The following EFCAB13 variants were observed in gnomAD, a reference collection of about 807,000 sequenced individuals.
EFCAB13 encodes the protein EF-hand calcium-binding domain-containing protein 13.
EFCAB13 carries 91 observed loss-of-function variants against 110.2 expected under a neutral mutation model. The ratio of observed to expected loss-of-function variants is 0.83; its 90% CI spans 0.70 to 0.98. The LOEUF is 0.98. Ranked by LOEUF, EFCAB13 falls within the 50% of genes least tolerant of loss-of-function variation. The pLI is 0.00. For synonymous variants in EFCAB13, 323 were observed against 369.9 expected (o/e 0.87, Z 1.45); for missense variants, 968 against 1,119.4 (o/e 0.86, Z 1.93).
At chr17:47,403,814 C>A in intron 18 of EFCAB13, 64 bp from the exon 19 acceptor site, 1 of 1,431,728 alleles carries the variant, frequency 7.0e-7, no homozygotes, top group Non-Finnish European at 9.4e-7. Context: ...TATGGATTTC[C>A]ACTAACAAAT....
chr17:47,342,067 C>A, intron 6 of EFCAB13, 35 bp downstream of exon 6: 2 of 1,252,538 alleles, frequency 1.6e-6, no homozygotes, highest in South Asian at 1.4e-5. Flanking sequence ...CTTTTACCTT[C>A]AAATATTTTC....
intron 10 of EFCAB13, among the ~76,000 whole-genome samples, chr17:47,363,626 T>C (rs2065529213): frequency 6.6e-6 from 1 of 152,194 alleles, no homozygotes; most frequent in African/African-American, 2.4e-5. Context: ...ATGTCTGAGC[T>C]AAATCTTGAA....
At chr17:47,385,014 G>A (rs1217043468) in intron 14 of EFCAB13, among the ~76,000 whole-genome samples, 2 of 152,042 alleles carry the variant, frequency 1.3e-5, no homozygotes, top group Non-Finnish European at 2.9e-5. Context: ...CTTGTGATCC[G>A]CCCGCCTCGG....
chr17:47,421,020 T>TG (rs564004497), intron 23 of EFCAB13, among the ~76,000 whole-genome samples: 66,348 of 142,176 alleles, frequency 0.47, 15,533 homozygotes, highest in African/African-American at 0.49. Context: ...GGGAGGGAGG[T>TG]GGGGGGGTCA....
At chr17:47,384,629 G>C (rs116679181) in intron 14 of EFCAB13, among the ~76,000 whole-genome samples, 1 of 152,108 alleles carries the variant, frequency 6.6e-6, no homozygotes, top group African/African-American at 2.4e-5. Context: ...TGAAATTCCA[G>C]TTAGAAAATT....
intron 21 of EFCAB13, among the ~76,000 whole-genome samples, chr17:47,411,466 T>G (rs527983632): frequency 6.6e-6 from 1 of 152,322 alleles, no homozygotes. Context: ...TCTCAGTGCT[T>G]CCATAATTTT....
intron 23 of EFCAB13, among the ~76,000 whole-genome samples, chr17:47,416,087 C>T (rs1300473895): frequency 2.6e-5 from 4 of 151,892 alleles, no homozygotes; most frequent in African/African-American, 7.3e-5. Context: ...AAATTGGATG[C>T]CTTATAGTAT....
chr17:47,409,706 T>A lies in EFCAB13; in HGVS notation c.2278+15T>A. On this transcript the variant is annotated intron_variant, in intron 21 of 24. Coordinates refer to ENST00000331493, the MANE Select transcript of EFCAB13 (RefSeq NM_152347.5). ...AAAGGTAAACGGTGAGTAAGAACTT[T>A]GTATATGAGAAAATTTTCAATAATA... The A allele has an allele frequency of 6.3e-7, 1 of 1,586,836 alleles. No individual in the cohort carries two copies. Among genetic ancestry groups the A allele is most frequent in the Non-Finnish European group, 8.6e-7 (1 of 1,156,656 alleles).
intron 10 of EFCAB13, among the ~76,000 whole-genome samples, chr17:47,364,309 C>T (rs2143327525): frequency 6.6e-6 from 1 of 152,072 alleles, no homozygotes; most frequent in African/African-American, 2.4e-5. Flanking sequence ...ATAGATATCT[C>T]TTAAGTCTTT....
chr17:47,324,779 A>G (rs1156286673), intron 2 of EFCAB13, among the ~76,000 whole-genome samples: 1 of 151,596 alleles, frequency 6.6e-6, no homozygotes, highest in Non-Finnish European at 1.5e-5. Flanking sequence ...TGTTTTTCTC[A>G]TCTTAAAGCC....
intron 14 of EFCAB13, among the ~76,000 whole-genome samples, chr17:47,386,180 G>C (rs1040276357): frequency 6.6e-6 from 1 of 152,172 alleles, no homozygotes; most frequent in Non-Finnish European, 1.5e-5. Flanking sequence ...CTCCTTGTCA[G>C]GATCTGCTGC....
At chr17:47,378,299 T>C (rs1204949041) in intron 13 of EFCAB13, among the ~76,000 whole-genome samples, 1 of 152,116 alleles carries the variant, frequency 6.6e-6, no homozygotes, top group Non-Finnish European at 1.5e-5. Flanking sequence ...GATTACAAAA[T>C]ACGGGGGAAT....
At chr17:47,364,644 C>T (rs1490527854) in intron 10 of EFCAB13, among the ~76,000 whole-genome samples, 1 of 152,196 alleles carries the variant, frequency 6.6e-6, no homozygotes, top group African/African-American at 2.4e-5. Flanking sequence ...ATAACCTTTC[C>T]TCAGGACCAT....
At chr17:47,351,510 T>C (rs1310675658) in intron 9 of EFCAB13, among the ~76,000 whole-genome samples, 1 of 152,162 alleles carries the variant, frequency 6.6e-6, no homozygotes, top group Non-Finnish European at 1.5e-5. Context: ...GTTCTATTTT[T>C]AGTTCTTTGA....
chr17:47,391,410 CTTA>C, intron 14 of EFCAB13, 24 bp from the exon 15 acceptor site: 1 of 1,471,800 alleles, frequency 6.8e-7, no homozygotes, highest in Non-Finnish European at 9.0e-7. Flanking sequence ...ATATTTAATA[CTTA>C]TTAGCATACT....
chr17:47,371,330 GT>G (rs2065583592), intron 11 of EFCAB13, among the ~76,000 whole-genome samples: 1 of 151,854 alleles, frequency 6.6e-6, no homozygotes, highest in African/African-American at 2.4e-5. Flanking sequence ...TTCTCCCTAT[GT>G]TATCATCAAA....
At chr17:47,420,992 G>A (rs1808625585) in intron 23 of EFCAB13, among the ~76,000 whole-genome samples, 1 of 143,236 alleles carries the variant, frequency 7.0e-6, no homozygotes, top group Admixed American at 6.8e-5. Context: ...GGGAGGTGAG[G>A]GGGTCAGCCC....
rs550559429 is a variant in EFCAB13 at position 47,408,845 on chromosome 17, G to GC, written c.2234-794dup. On this transcript the variant is annotated intron_variant, in intron 20 of 24. Coordinates refer to ENST00000331493, the MANE Select transcript of EFCAB13 (RefSeq NM_152347.5). ...CTACAATTTACAGGATAATACCCTT[G>GC]CCCCCCCCAATAATTATCTGGCCAA... 3.3e-3 allele frequency among the ~76,000 whole-genome samples: 501 copies of GC among 151,372 alleles called. 2 individuals carry two copies. The highest frequency in any genetic ancestry group is 9.1e-3 in the African/African-American group (375 of 41,202).
intron 24 of EFCAB13, among the ~76,000 whole-genome samples, chr17:47,437,482 C>G (rs1905235488): frequency 6.6e-6 from 1 of 152,060 alleles, no homozygotes; most frequent in African/African-American, 2.4e-5. Flanking sequence ...TGATATTTTC[C>G]TGTTGGATAA....
Sources: allele counts gnomAD v4.1 joint callset (sites outside exome capture counted in the v4.1 genomes callset), GRCh38; gene constraint gnomAD v4.1.1; transcripts MANE v1.5; gene names NCBI Gene and HGNC (gene_info 2026-07-23, HGNC 2026-07-21).